The following SKAP2 variants were observed in gnomAD, a reference collection of about 807,000 sequenced individuals.
The protein encoded by SKAP2 is src kinase-associated phosphoprotein 2.
Under a neutral mutation model 54.9 loss-of-function variants are expected in SKAP2, and 28 were observed. That is an observed-to-expected ratio of 0.51 (90% CI 0.38 to 0.70). The LOEUF (loss-of-function observed/expected upper bound fraction) is 0.70. SKAP2 is among the 30% of genes least tolerant of loss of function. The pLI is 0.00. For missense variants in SKAP2, 356 were observed against 424.1 expected (o/e 0.84, Z 1.41); for synonymous variants, 137 against 134.3 (o/e 1.02, Z -0.14).
At chr7:26,861,708 T>C (rs1323157667) in intron 1 of SKAP2, among the ~76,000 whole-genome samples, 1 of 147,418 alleles carries the variant, frequency 6.8e-6, no homozygotes, top group Non-Finnish European at 1.5e-5. Context: ...AAGTATAGCA[T>C]AGAACTGCCA....
In SKAP2 at chr7:26,824,090, G is replaced by A. The variant is rs566057157; in HGVS notation, c.307+19940C>T. Among the ~76,000 whole-genome samples the A allele has an allele frequency of 7.8e-5, 8 of 102,188 alleles. No homozygotes were observed. In the South Asian group the frequency reaches 3.0e-3, roughly 38 times the overall value. 67.0% of individuals were successfully genotyped at this position (102,188 alleles called of 152,430 possible). A position where few individuals can be genotyped will look rare whatever the true frequency, so the allele number is the denominator to read the frequency against. On this transcript the variant is annotated intron_variant, in intron 4 of 12. Coordinates refer to ENST00000345317, the MANE Select transcript of SKAP2 (RefSeq NM_003930.5). ...TACATGCCAGAGGGAAATCTTTCAT[G>A]GAAAGAAGAATCAATCAATGAATCA...
Position 26,730,966 on chromosome 7 carries a change from G to A in SKAP2, c.470-3960C>T, listed in dbSNP as rs900249540. The stretch of plus-strand genomic sequence containing the variant: ...CATATACACCTGGTAATAATTCTAA[G>A]CAATAGAGGAGACATATTATATTCC... On this transcript the variant is annotated intron_variant, in intron 6 of 12. Transcript: ENST00000345317. Among the ~76,000 whole-genome samples, 89 of 152,204 alleles carry A rather than the reference G, an allele frequency of 5.8e-4. 1 individual carries two copies. Among genetic ancestry groups the A allele is most frequent in the Admixed American group, 5.8e-3 (88 of 15,280 alleles).
chr7:26,829,292 G>A (rs556991208), intron 4 of SKAP2, among the ~76,000 whole-genome samples: 22 of 152,258 alleles, frequency 1.4e-4, no homozygotes, highest in Middle Eastern at 3.4e-3. Context: ...CAACACTTCA[G>A]GAAGCCAAGG....
At chr7:26,821,279 G>C (rs1206720829) in intron 4 of SKAP2, among the ~76,000 whole-genome samples, 1 of 151,934 alleles carries the variant, frequency 6.6e-6, no homozygotes, top group African/African-American at 2.4e-5. Context: ...AACAAAGAGG[G>C]AGGAAAAAAA....
chr7:26,817,787 C>G (rs1400137866), intron 4 of SKAP2, among the ~76,000 whole-genome samples: 4 of 152,072 alleles, frequency 2.6e-5, no homozygotes. Flanking sequence ...TTCCTATACA[C>G]CAATAATAGA....
chr7:26,691,674 ACAAAG>A (rs1365123026), intron 9 of SKAP2, among the ~76,000 whole-genome samples: 1 of 152,220 alleles, frequency 6.6e-6, no homozygotes, highest in Non-Finnish European at 1.5e-5. Context: ...CAAGTGATGC[ACAAAG>A]CACTGAAGAA....
intron 11 of SKAP2, among the ~76,000 whole-genome samples, chr7:26,672,039 T>A (rs1204221178): frequency 6.6e-6 from 1 of 150,608 alleles, no homozygotes; most frequent in East Asian, 1.9e-4. Flanking sequence ...AATATAAGAT[T>A]TTTGAAACTG....
At chr7:26,738,926 A>T in intron 5 of SKAP2, 48 bp from the exon 6 acceptor site, 1 of 1,070,674 alleles carries the variant, frequency 9.3e-7, no homozygotes, top group Non-Finnish European at 1.5e-6. Context: ...ACTGTAAAAG[A>T]AAAAGTTAAT....
intron 9 of SKAP2, among the ~76,000 whole-genome samples, chr7:26,723,702 A>AT (rs34378363): frequency 0.12 from 17,465 of 150,402 alleles, 1,321 homozygotes; most frequent in African/African-American, 0.21. Context: ...TTCCTGATCA[A>AT]TTTTTTTTTT....
chr7:26,814,000 T>C (rs878950982), intron 4 of SKAP2, among the ~76,000 whole-genome samples: 7 of 152,164 alleles, frequency 4.6e-5, no homozygotes, highest in Admixed American at 4.6e-4. Context: ...GAGCTGGCAT[T>C]TGAGACAACA....
chr7:26,662,194 G>A (rs553161309), downstream of SKAP2, among the ~76,000 whole-genome samples: 12 of 152,204 alleles, frequency 7.9e-5, no homozygotes, highest in African/African-American at 2.6e-4. Context: ...TGTAAAAGAC[G>A]TTCACATTAT....
intron 4 of SKAP2, among the ~76,000 whole-genome samples, chr7:26,794,362 T>G (rs1282015868): frequency 1.3e-5 from 2 of 152,174 alleles, no homozygotes; most frequent in African/African-American, 2.4e-5. Flanking sequence ...CAGATATACC[T>G]GAATGTGTGT....
At position 26,741,696 on chromosome 7, in the gene SKAP2, C is replaced by T. The variant is rs558964723; in HGVS notation, c.308-1732G>A. ...GATGTGATTATCATGCATTGTATGC[C>T]TGTATCAAAACATACAATATGCCCA... On this transcript the variant is annotated intron_variant, in intron 4 of 12. Coordinates refer to ENST00000345317, the MANE Select transcript of SKAP2 (RefSeq NM_003930.5). Among the ~76,000 whole-genome samples, 8 of 151,796 alleles carry T rather than the reference C, an allele frequency of 5.3e-5. No individual in the cohort carries two copies. The East Asian group carries it at 1.5e-3, about 29-fold the overall frequency.
chr7:26,667,209 C>T lies in SKAP2; in HGVS notation c.*2457G>A, dbSNP rs898026068. 6.6e-6 allele frequency: 1 copy of T among 152,082 alleles called. No individual in the cohort carries two copies. The highest frequency in any genetic ancestry group is 6.5e-5 in the Admixed American group (1 of 15,268). 9.4% of individuals were successfully genotyped at this position (152,082 alleles called of 1,614,324 possible). On this transcript the variant is annotated 3_prime_UTR_variant, in exon 13 of 13. Coordinates refer to ENST00000345317, the MANE Select transcript of SKAP2 (RefSeq NM_003930.5). ...CTATATAAAATATGACTTACAATCA[C>T]CTTTGAAAAAAATTAGCTCTCTAAC...
chr7:26,728,776 T>C (rs941984352), intron 6 of SKAP2, among the ~76,000 whole-genome samples: 1 of 152,122 alleles, frequency 6.6e-6, no homozygotes, highest in African/African-American at 2.4e-5. Context: ...AAAGCCATAT[T>C]GGACAATTTT....
chr7:26,807,437 C>T (rs185169609), intron 4 of SKAP2, among the ~76,000 whole-genome samples: 23 of 152,318 alleles, frequency 1.5e-4, no homozygotes, highest in Admixed American at 3.3e-4. Flanking sequence ...TCCCTCCTTG[C>T]TCTCTGTCTC....
rs1236024890 is a variant in SKAP2, at chr7:26,727,015, G to A, written c.470-9C>T. 6 of 1,579,584 alleles carry A rather than the reference G, an allele frequency of 3.8e-6. No homozygotes were observed. The highest frequency in any genetic ancestry group is 1.9e-5 in the Admixed American group (1 of 52,416). Reference sequence around the variant, plus strand: ...ACCTTTCTGTTGTTTGTCTGTTGAAGATAAAACCAGTTAGAATTTCATTTA... The same window carrying A: ...ACCTTTCTGTTGTTTGTCTGTTGAAAATAAAACCAGTTAGAATTTCATTTA... On this transcript the variant is annotated splice_polypyrimidine_tract_variant and intron_variant, in intron 6 of 12. Transcript: ENST00000345317.
chr7:26,799,083 G>C (rs1172024796), intron 4 of SKAP2, among the ~76,000 whole-genome samples: 1 of 148,916 alleles, frequency 6.7e-6, no homozygotes, highest in Non-Finnish European at 1.5e-5. Flanking sequence ...GGCAAGGCAA[G>C]GCAGGGCAGG....
intron 4 of SKAP2, among the ~76,000 whole-genome samples, chr7:26,826,868 T>C (rs1223290877): frequency 6.6e-6 from 1 of 152,194 alleles, no homozygotes; most frequent in African/African-American, 2.4e-5. Flanking sequence ...ATCTAGCACT[T>C]TGCCTAAAAC....
Sources: gnomAD v4.1 joint callset for allele counts (sites outside exome capture counted in the v4.1 genomes callset) on GRCh38, gnomAD v4.1.1 for gene constraint, MANE v1.5 for transcripts, NCBI Gene and HGNC (gene_info 2026-07-23, HGNC 2026-07-21) for gene names.